The following ADGRB3 variants were observed in gnomAD, a reference collection of about 807,000 sequenced individuals.
ADGRB3 encodes the protein adhesion G protein-coupled receptor B3.
In ADGRB3, 37 loss-of-function variants were observed where a neutral mutation model predicts 193.4. The ratio of observed to expected loss-of-function variants is 0.19; its 90% confidence interval spans 0.15 to 0.25. The LOEUF (loss-of-function observed/expected upper bound fraction) is 0.25. Among genes scored for constraint, ADGRB3 ranks in the 10% least tolerant of loss-of-function variants. The pLI, the probability that ADGRB3 is intolerant of heterozygous loss-of-function variation, is 1.00. For synonymous variants in ADGRB3, 690 were observed against 644.2 expected (o/e 1.07, Z -1.08); for missense variants, 1,637 against 1,852.9 (o/e 0.88, Z 2.14).
In ADGRB3 at chr6:69,355,228, A is replaced by T. The variant is rs2127328303; in HGVS notation, c.3556-593A>T. ...TTGCTTAAAATAAAAGTTTTAGGAA[A>T]ATATGAGGTCACAACTAAACCCCAG... is the stretch of plus-strand genomic sequence containing the variant. On this transcript the variant is annotated intron_variant, in intron 27 of 31. Transcript: ENST00000370598. Among the ~76,000 whole-genome samples the T allele has an allele frequency of 2.0e-5, 3 of 152,294 alleles. 1 individual carries two copies. In the South Asian group the frequency reaches 6.2e-4, roughly 32 times the overall value.
At chr6:68,908,368 C>T (rs1203304223) in intron 3 of ADGRB3, among the ~76,000 whole-genome samples, 5 of 152,076 alleles carry the variant, frequency 3.3e-5, no homozygotes, top group African/African-American at 7.2e-5. Context: ...GAGCATTTCT[C>T]TTATTCCTTG....
At chr6:68,870,067 C>G (rs1393574785) in intron 3 of ADGRB3, among the ~76,000 whole-genome samples, 1 of 152,184 alleles carries the variant, frequency 6.6e-6, no homozygotes, top group African/African-American at 2.4e-5. Flanking sequence ...GTGTGAGCCA[C>G]TGTGCCCAGC....
intron 20 of ADGRB3, among the ~76,000 whole-genome samples, chr6:69,317,856 G>C (rs1177172133): frequency 2.0e-5 from 3 of 151,276 alleles, no homozygotes; most frequent in Admixed American, 1.3e-4. Flanking sequence ...AAAAATTTTG[G>C]ACTACATTTT....
rs761616631 is a variant in ADGRB3, at chr6:69,188,115, G to T, written c.2481-45175G>T. On this transcript the variant is annotated intron_variant, in intron 17 of 31. Transcript: ENST00000370598. ...ACTGTTAGGTGATTAATATTGCCTT[G>T]TTTTAGATATTATTGGAGAATGGAA... 6.3e-4 allele frequency among the ~76,000 whole-genome samples: 96 copies of T among 152,154 alleles called. 1 individual carries two copies. The highest frequency in any genetic ancestry group is 3.4e-3 in the Middle Eastern group (1 of 294).
intron 3 of ADGRB3, among the ~76,000 whole-genome samples, chr6:68,855,516 T>G (rs1764958267): frequency 6.6e-6 from 1 of 151,912 alleles, no homozygotes. Flanking sequence ...TATATGTGAT[T>G]TATTAAAATA....
intron 13 of ADGRB3, among the ~76,000 whole-genome samples, chr6:69,045,821 C>T (rs1235193590): frequency 6.6e-6 from 1 of 152,104 alleles, no homozygotes; most frequent in East Asian, 1.9e-4. Flanking sequence ...GTGCACTTCT[C>T]ACACTGAAAA....
Position 69,169,458 on chromosome 6 carries a change from GATATAA to G in ADGRB3, c.2481-63829_2481-63824del, listed in dbSNP as rs1775216892. On this transcript the variant is annotated intron_variant, in intron 17 of 31. Coordinates refer to ENST00000370598, the MANE Select transcript of ADGRB3 (RefSeq NM_001704.3). ...TACAATGAGTAACTAATGTGTTAAT[GATATAA>G]ATTAAATAATATTTAATGATATAAA... Among the ~76,000 whole-genome samples, 5 of 150,494 alleles carry G rather than the reference GATATAA, an allele frequency of 3.3e-5. No homozygotes were observed. The South Asian group carries it at 1.0e-3, about 32-fold the overall frequency.
In ADGRB3 at chr6:69,206,530, G is replaced by C. The variant is rs560213600; in HGVS notation, c.2481-26760G>C. 5.9e-5 allele frequency among the ~76,000 whole-genome samples: 9 copies of C among 152,192 alleles called. No individual in the cohort carries two copies. The East Asian group carries it at 1.7e-3, about 29-fold the overall frequency. ...ATTATACATAACCTTCAGATAAAGA[G>C]AATAATAAGGTCATAATTATGTCTA... On this transcript the variant is annotated intron_variant, in intron 17 of 31. Transcript: ENST00000370598.
chr6:68,975,545 C>A (rs1291596435), intron 10 of ADGRB3, among the ~76,000 whole-genome samples: 1 of 152,082 alleles, frequency 6.6e-6, no homozygotes, highest in African/African-American at 2.4e-5. Context: ...TTTTATGGAT[C>A]CTGCTATTTA....
intron 3 of ADGRB3, among the ~76,000 whole-genome samples, chr6:68,695,721 C>G (rs773006328): frequency 6.6e-6 from 1 of 151,876 alleles, no homozygotes; most frequent in Non-Finnish European, 1.5e-5. Context: ...CTTGGTGGGT[C>G]TTGCTGTTGC....
chr6:68,734,100 A>C (rs1582157526), intron 3 of ADGRB3, among the ~76,000 whole-genome samples: 1 of 152,098 alleles, frequency 6.6e-6, no homozygotes, highest in East Asian at 1.9e-4. Context: ...TTTTTTTTCA[A>C]ATCCTTTATG....
chr6:68,967,753 G>A (rs549690305), intron 8 of ADGRB3, among the ~76,000 whole-genome samples: 4 of 152,126 alleles, frequency 2.6e-5, no homozygotes, highest in Non-Finnish European at 1.5e-5. Flanking sequence ...GATGTTACAA[G>A]GTGACAGGAA....
chr6:68,890,260 A>C (rs1341253400), intron 3 of ADGRB3, among the ~76,000 whole-genome samples: 1 of 152,238 alleles, frequency 6.6e-6, no homozygotes, highest in East Asian at 1.9e-4. Flanking sequence ...CTTACAGGTA[A>C]GTACAATCAC....
chr6:69,158,847 G>T (rs183494908), intron 17 of ADGRB3, among the ~76,000 whole-genome samples: 26 of 152,168 alleles, frequency 1.7e-4, no homozygotes, highest in African/African-American at 5.5e-4. Flanking sequence ...ATACAGTAAT[G>T]CAGACTATAA....
chr6:69,305,549 C>T (rs1156894457), intron 20 of ADGRB3, among the ~76,000 whole-genome samples: 1 of 150,992 alleles, frequency 6.6e-6, no homozygotes, highest in African/African-American at 2.4e-5. Flanking sequence ...ATGTAAGTCC[C>T]TTCACACTTA....
intron 11 of ADGRB3, among the ~76,000 whole-genome samples, chr6:69,013,379 G>A (rs2150285002): frequency 6.6e-6 from 1 of 152,206 alleles, no homozygotes; most frequent in Non-Finnish European, 1.5e-5. Context: ...CAAGAATGAT[G>A]GCAAGGATGT....
intron 17 of ADGRB3, among the ~76,000 whole-genome samples, chr6:69,098,168 G>A (rs1367283478): frequency 6.6e-6 from 1 of 152,162 alleles, no homozygotes; most frequent in Non-Finnish European, 1.5e-5. Context: ...CTGGCTTCAA[G>A]CCATGCTCTC....
chr6:69,199,085 G>C (rs1050649640), intron 17 of ADGRB3, among the ~76,000 whole-genome samples: 61 of 152,190 alleles, frequency 4.0e-4, no homozygotes, highest in African/African-American at 1.4e-3. Context: ...ATGATGATGG[G>C]CTTCGGAACA....
intron 17 of ADGRB3, among the ~76,000 whole-genome samples, chr6:69,082,316 T>A (rs1772410284): frequency 6.6e-6 from 1 of 152,044 alleles, no homozygotes; most frequent in Non-Finnish European, 1.5e-5. Context: ...AAGGGTAGGA[T>A]GTCCAAGGCT....
Sources: allele counts gnomAD v4.1 joint callset (sites outside exome capture counted in the v4.1 genomes callset), GRCh38; gene constraint gnomAD v4.1.1; transcripts MANE v1.5; gene names NCBI Gene and HGNC (gene_info 2026-07-23, HGNC 2026-07-21).